CSMD1: variants seen among roughly 807,000 people sequenced by gnomAD.
CSMD1 encodes the protein CUB and Sushi multiple domains 1.
In CSMD1, 213 loss-of-function variants were observed where a neutral mutation model predicts 417.5. The observed-to-expected ratio is 0.51, with a 90% confidence interval of 0.46 to 0.57. The LOEUF (loss-of-function observed/expected upper bound fraction) is 0.57. CSMD1 is among the 20% of genes least tolerant of loss of function. The pLI is 0.00. For missense variants in CSMD1, 6,923 were observed against 4,529.7 expected (o/e 1.53, Z -15.17); for synonymous variants, 2,862 against 1,736.8 (o/e 1.65, Z -16.11).
At chr8:3,949,526 C>G (rs1274580087) in intron 5 of CSMD1, among the ~76,000 whole-genome samples, 1 of 152,092 alleles carries the variant, frequency 6.6e-6, no homozygotes, top group African/African-American at 2.4e-5. Context: ...AAGAGAGAAG[C>G]TAGCAACATT....
At chr8:3,194,663 T>C (rs958963228) in intron 33 of CSMD1, among the ~76,000 whole-genome samples, 1 of 150,798 alleles carries the variant, frequency 6.6e-6, no homozygotes, top group Admixed American at 6.7e-5. Flanking sequence ...AGAGATGGGA[T>C]TTCGCCATGT....
intron 5 of CSMD1, among the ~76,000 whole-genome samples, chr8:3,832,571 C>T (rs529334624): frequency 2.8e-4 from 43 of 151,788 alleles, no homozygotes; most frequent in Non-Finnish European, 5.3e-4. Context: ...CATTTCAAGA[C>T]GTAAAAAAAC....
chr8:3,455,249 G>A (rs1816031302), intron 12 of CSMD1, among the ~76,000 whole-genome samples: 1 of 151,884 alleles, frequency 6.6e-6, no homozygotes, highest in Non-Finnish European at 1.5e-5. Context: ...TCTTTGCCAT[G>A]GGTTCAAACT....
chr8:3,275,254 G>A (rs1481346306), intron 26 of CSMD1, among the ~76,000 whole-genome samples: 1 of 152,240 alleles, frequency 6.6e-6, no homozygotes, highest in East Asian at 1.9e-4. Context: ...TTGAATATTG[G>A]CCACCGCTCT....
At chr8:2,961,650 T>C (rs889825274) in intron 61 of CSMD1, among the ~76,000 whole-genome samples, 2 of 152,176 alleles carry the variant, frequency 1.3e-5, no homozygotes, top group Admixed American at 6.5e-5. Context: ...ATGAAAAATA[T>C]ATTTAATGCT....
At chr8:4,976,878 C>CATTGCT (rs1810592412) in intron 1 of CSMD1, among the ~76,000 whole-genome samples, 1 of 152,084 alleles carries the variant, frequency 6.6e-6, no homozygotes, top group Non-Finnish European at 1.5e-5. Context: ...TATAGAGGGA[C>CATTGCT]ATTGCTGGTC....
chr8:4,765,983 T>C (rs575492114), intron 1 of CSMD1, among the ~76,000 whole-genome samples: 2 of 152,156 alleles, frequency 1.3e-5, no homozygotes, highest in Admixed American at 6.5e-5. Context: ...GATTAAAAAA[T>C]GTATTACATA....
At chr8:4,512,285 C>G (rs1303022837) in intron 2 of CSMD1, among the ~76,000 whole-genome samples, 1 of 152,080 alleles carries the variant, frequency 6.6e-6, no homozygotes, top group Non-Finnish European at 1.5e-5. Flanking sequence ...AGAGGGAAAC[C>G]TTCTCAATCT....
In CSMD1 at chr8:4,076,271, A is replaced by G. The variant is rs78650995; in HGVS notation, c.416-44172T>C. On this transcript the variant is annotated intron_variant, in intron 3 of 69. Transcript: ENST00000635120. ...CTCTCCTGCCACTATGTGAAGAAGA[A>G]TATGTTTGCTTCTCCCTCTGCCATG... Among the ~76,000 whole-genome samples, 820 of 152,272 alleles carry G rather than the reference A, an allele frequency of 5.4e-3. 7 individuals are homozygous for G. The highest frequency in any genetic ancestry group is 0.019 in the African/African-American group (781 of 41,552).
rs544139855 is a variant in CSMD1, at chr8:4,304,209, A to G, written c.415+115744T>C. 6.7e-4 allele frequency among the ~76,000 whole-genome samples: 102 copies of G among 152,338 alleles called. 1 individual carries two copies. The highest frequency in any genetic ancestry group is 2.4e-3 in the African/African-American group (100 of 41,576). ...AGAATAAGCCAGTTTTGATGAAAAG[A>G]GATTTAAAGCTGTTTTATTCTAAAT... On this transcript the variant is annotated intron_variant, in intron 3 of 69. Coordinates refer to ENST00000635120, the MANE Select transcript of CSMD1 (RefSeq NM_033225.6).
chr8:4,845,412 C>T (rs958340766), intron 1 of CSMD1, among the ~76,000 whole-genome samples: 1 of 152,198 alleles, frequency 6.6e-6, no homozygotes, highest in Non-Finnish European at 1.5e-5. Context: ...ATCCATTGCT[C>T]TCATTGAGAA....
intron 1 of CSMD1, among the ~76,000 whole-genome samples, chr8:4,865,518 A>G (rs1280301888): frequency 1.3e-5 from 2 of 151,890 alleles, no homozygotes; most frequent in Non-Finnish European, 2.9e-5. Context: ...ATGCAACAAT[A>G]TATTAGAAAA....
intron 10 of CSMD1, among the ~76,000 whole-genome samples, chr8:3,549,274 G>C (rs901008855): frequency 2.0e-5 from 3 of 152,218 alleles, no homozygotes; most frequent in Admixed American, 1.3e-4. Context: ...GTGTGCCAGT[G>C]ACTGTGTGTC....
At chr8:3,854,123 CTT>C (rs1491405638) in intron 5 of CSMD1, among the ~76,000 whole-genome samples, 1 of 141,368 alleles carries the variant, frequency 7.1e-6, no homozygotes, top group Non-Finnish European at 1.5e-5. Context: ...ATATATTATA[CTT>C]ATATATATAA....
chr8:4,758,972 G>A (rs1468553876), intron 1 of CSMD1, among the ~76,000 whole-genome samples: 1 of 151,362 alleles, frequency 6.6e-6, no homozygotes, highest in South Asian at 2.1e-4. Context: ...TGCACAGAGT[G>A]AAGTGCATTG....
At chr8:3,314,676 G>A (rs1805611951) in intron 23 of CSMD1, among the ~76,000 whole-genome samples, 1 of 152,302 alleles carries the variant, frequency 6.6e-6, no homozygotes, top group South Asian at 2.1e-4. Flanking sequence ...CAAACATTCA[G>A]CTGATGAAAA....
intron 3 of CSMD1, among the ~76,000 whole-genome samples, chr8:4,101,269 T>G (rs1384611089): frequency 6.6e-6 from 1 of 152,218 alleles, no homozygotes; most frequent in African/African-American, 2.4e-5. Context: ...ATTGCAACAC[T>G]TTGGTGTTCT....
chr8:3,505,855 G>A (rs976881327), intron 10 of CSMD1, among the ~76,000 whole-genome samples: 4 of 152,154 alleles, frequency 2.6e-5, no homozygotes, highest in African/African-American at 9.7e-5. Context: ...CAACTTGGCT[G>A]AAAGGTGAAC....
chr8:4,014,824 C>G (rs1231172950), intron 4 of CSMD1, among the ~76,000 whole-genome samples: 2 of 152,144 alleles, frequency 1.3e-5, no homozygotes, highest in African/African-American at 4.8e-5. Context: ...TATAACCTAA[C>G]ATGGTATCTG....
Sources: gnomAD v4.1 joint callset for allele counts (sites outside exome capture counted in the v4.1 genomes callset) on GRCh38, gnomAD v4.1.1 for gene constraint, MANE v1.5 for transcripts, NCBI Gene and HGNC (gene_info 2026-07-23, HGNC 2026-07-21) for gene names.